The following PIBF1 variants were observed in gnomAD, a reference collection of about 807,000 sequenced individuals.
PIBF1 encodes the protein progesterone-induced-blocking factor 1.
In PIBF1, 90 loss-of-function variants were observed where a neutral mutation model predicts 112.5. The ratio of observed to expected loss-of-function variants is 0.80; its 90% CI spans 0.67 to 0.95. PIBF1 has a LOEUF of 0.95. PIBF1 is among the 40% of genes least tolerant of loss of function. The pLI is 0.00. For missense variants in PIBF1, 915 were observed against 852.3 expected (o/e 1.07, Z -0.92); for synonymous variants, 301 against 288.6 (o/e 1.04, Z -0.44).
intron 16 of PIBF1, among the ~76,000 whole-genome samples, chr13:72,995,457 C>T (rs745970063): frequency 1.3e-5 from 2 of 151,956 alleles, no homozygotes; most frequent in Non-Finnish European, 2.9e-5. Context: ...ACTGTAGAAA[C>T]AGAGTTTTAA....
At chr13:72,881,801 G>A (rs1368465265) in intron 10 of PIBF1, among the ~76,000 whole-genome samples, 2 of 151,646 alleles carry the variant, frequency 1.3e-5, no homozygotes, top group African/African-American at 4.8e-5. Flanking sequence ...TACAAAAGAT[G>A]GAAAGATATA....
At chr13:72,941,301 G>A (rs915174210) in intron 14 of PIBF1, among the ~76,000 whole-genome samples, 1 of 152,174 alleles carries the variant, frequency 6.6e-6, no homozygotes, top group Non-Finnish European at 1.5e-5. Flanking sequence ...GCCAAGTTTA[G>A]TTAAGAGTCA....
rs75792112 is a variant in PIBF1, at chr13:72,979,566, G to A, written c.2049+5891G>A. Among the ~76,000 whole-genome samples, 823 of 152,224 alleles carry A rather than the reference G, an allele frequency of 5.4e-3. 15 individuals carry two copies. The highest frequency in any genetic ancestry group is 0.019 in the African/African-American group (771 of 41,538). On this transcript the variant is annotated intron_variant, in intron 16 of 17. Coordinates refer to ENST00000326291, the MANE Select transcript of PIBF1 (RefSeq NM_006346.4). The stretch of plus-strand genomic sequence containing the variant: ...TCCAGTATTTCAGTGAGTGAAGGTG[G>A]TGTCTTGAACTAGATTGGTGATGAT...
intron 17 of PIBF1, among the ~76,000 whole-genome samples, chr13:73,002,983 CAAAA>C (rs1161228077): frequency 1.0e-4 from 6 of 57,516 alleles, no homozygotes; most frequent in African/African-American, 3.0e-4. Context: ...ACTCTGGTCT[CAAAA>C]AAAAAAAAAA....
intron 14 of PIBF1, among the ~76,000 whole-genome samples, chr13:72,932,213 G>C (rs1365713065): frequency 6.6e-6 from 1 of 151,960 alleles, no homozygotes; most frequent in Non-Finnish European, 1.5e-5. Context: ...TGAAAGTACT[G>C]GGATTGGAGA....
intron 14 of PIBF1, among the ~76,000 whole-genome samples, chr13:72,961,143 T>G (rs2042594262): frequency 6.6e-6 from 1 of 151,840 alleles, no homozygotes; most frequent in South Asian, 2.1e-4. Context: ...TTTTACAGAA[T>G]AGTTCTCTAT....
chr13:73,007,809 CAAAAAAA>C (rs34084112), intron 17 of PIBF1, among the ~76,000 whole-genome samples: 1 of 135,820 alleles, frequency 7.4e-6, no homozygotes, highest in African/African-American at 2.8e-5. Context: ...AACTCCATCT[CAAAAAAA>C]AAAAAAAAAA....
intron 5 of PIBF1, 84 bp from the exon 6 acceptor site, chr13:72,821,765 C>A: frequency 1.0e-6 from 1 of 975,380 alleles, no homozygotes; most frequent in Non-Finnish European, 1.5e-6. Flanking sequence ...ACAATCACAG[C>A]TTAACAGAAG....
chr13:72,789,652 G>GT (rs978501707), intron 2 of PIBF1, among the ~76,000 whole-genome samples: 42 of 147,782 alleles, frequency 2.8e-4, no homozygotes, highest in Middle Eastern at 3.5e-3. Context: ...TGAAAAAAAT[G>GT]TTTTTTTTTT....
chr13:72,833,853 A>T (rs2037231140), intron 8 of PIBF1, among the ~76,000 whole-genome samples: 2 of 152,004 alleles, frequency 1.3e-5, no homozygotes, highest in African/African-American at 4.8e-5. Context: ...ACCCACAGGC[A>T]CCCCTTTCCC....
intron 9 of PIBF1, among the ~76,000 whole-genome samples, chr13:72,841,654 G>A (rs1482488095): frequency 3.9e-5 from 6 of 152,044 alleles, no homozygotes; most frequent in African/African-American, 7.2e-5. Flanking sequence ...CAGGCCTGTA[G>A]TCCTATTAAG....
intron 17 of PIBF1, among the ~76,000 whole-genome samples, chr13:73,010,840 T>TTTTTTTTTTTTTTTTTA (rs2044180451): frequency 2.0e-5 from 2 of 97,648 alleles, no homozygotes; most frequent in African/African-American, 6.7e-5. Flanking sequence ...TTTTTTTTTT[T>TTTTTTTTTTTTTTTTTA]GAGACAGAGT....
chr13:72,815,757 C>T (rs1242214551), intron 5 of PIBF1, among the ~76,000 whole-genome samples: 3 of 152,130 alleles, frequency 2.0e-5, no homozygotes, highest in Non-Finnish European at 4.4e-5. Context: ...CCTTGAAGTC[C>T]TAGGCTTAAG....
intron 10 of PIBF1, among the ~76,000 whole-genome samples, chr13:72,859,726 G>T (rs1382293337): frequency 1.3e-5 from 2 of 152,078 alleles, no homozygotes; most frequent in Admixed American, 1.3e-4. Flanking sequence ...AAAATGACCT[G>T]CATGGTTTCA....
chr13:72,969,022 T>G (rs550846917), intron 15 of PIBF1, among the ~76,000 whole-genome samples: 1 of 148,950 alleles, frequency 6.7e-6, no homozygotes, highest in African/African-American at 2.6e-5. Context: ...AAAGCAAAAC[T>G]CTGTCTCAAA....
At chr13:72,876,086 A>G (rs960191384) in intron 10 of PIBF1, among the ~76,000 whole-genome samples, 1 of 95,754 alleles carries the variant, frequency 1.0e-5, no homozygotes, top group Non-Finnish European at 2.2e-5. Context: ...TAGGTATATG[A>G]TTTATTTTGA....
intron 16 of PIBF1, among the ~76,000 whole-genome samples, chr13:72,975,292 G>A (rs2042992257): frequency 6.6e-6 from 1 of 151,968 alleles, no homozygotes; most frequent in African/African-American, 2.4e-5. Context: ...CTGACCTCAA[G>A]TGATCTGCCC....
At chr13:72,826,722 GA>G (rs921133478) in intron 6 of PIBF1, among the ~76,000 whole-genome samples, 3 of 151,828 alleles carry the variant, frequency 2.0e-5, no homozygotes, top group African/African-American at 7.3e-5. Context: ...GATGACTAAT[GA>G]AAAAATACCA....
intron 11 of PIBF1, among the ~76,000 whole-genome samples, chr13:72,899,801 G>C (rs1228472112): frequency 6.6e-6 from 1 of 152,144 alleles, no homozygotes; most frequent in Non-Finnish European, 1.5e-5. Context: ...AATCAGTAAA[G>C]AGGAAGTCAA....
Sources: gnomAD v4.1 joint callset for allele counts (sites outside exome capture counted in the v4.1 genomes callset) on GRCh38, gnomAD v4.1.1 for gene constraint, MANE v1.5 for transcripts, NCBI Gene and HGNC (gene_info 2026-07-23, HGNC 2026-07-21) for gene names.